SEC31A: variants seen among roughly 807,000 people sequenced by gnomAD.
SEC31A encodes the protein SEC31 homolog A, COPII component, also known as protein transport protein Sec31A.
SEC31A carries 70 observed loss-of-function variants against 151.0 expected under a neutral mutation model. That is an observed-to-expected ratio of 0.46 (90% confidence interval 0.38 to 0.57). The LOEUF (loss-of-function observed/expected upper bound fraction) is 0.57, where lower values mean the gene tolerates loss of function less well. Among genes scored for constraint, SEC31A ranks in the 20% least tolerant of loss-of-function variants. The pLI, the probability that SEC31A is intolerant of heterozygous loss-of-function variation, is 0.00. For missense variants in SEC31A, 1,330 were observed against 1,471.2 expected (o/e 0.90, Z 1.57); for synonymous variants, 475 against 505.9 (o/e 0.94, Z 0.82).
In SEC31A at chr4:82,865,885, T is replaced by C. The variant is rs183842404; in HGVS notation, c.1197+923A>G. 2.6e-4 allele frequency among the ~76,000 whole-genome samples: 39 copies of C among 152,206 alleles called. No individual in the cohort carries two copies. The East Asian group carries it at 5.8e-3, about 23-fold the overall frequency. ...ACAACAACGTGTATATAGTTAACAC[T>C]ACTGTAGTATATATTTAAAAATGGT... On this transcript the variant is annotated intron_variant, in intron 10 of 26. Transcript: ENST00000395310.
At chr4:82,832,054 C>T (rs1055311426) in intron 22 of SEC31A, among the ~76,000 whole-genome samples, 1 of 152,146 alleles carries the variant, frequency 6.6e-6, no homozygotes, top group African/African-American at 2.4e-5. Flanking sequence ...TTGGAAAAAA[C>T]TACTTCAAAC....
At chr4:82,830,221 T>C (rs1725608162) in intron 22 of SEC31A, among the ~76,000 whole-genome samples, 1 of 152,190 alleles carries the variant, frequency 6.6e-6, no homozygotes, top group Non-Finnish European at 1.5e-5. Flanking sequence ...TCCAGCACTT[T>C]GGGCTGAGGC....
Position 82,818,956 on chromosome 4 carries a change from C to T in SEC31A, c.*118G>A. 1.4e-6 allele frequency: 1 copy of T among 717,762 alleles called. No individual in the cohort carries two copies. Among genetic ancestry groups the T allele is most frequent in the Non-Finnish European group, 2.2e-6 (1 of 454,750 alleles). The allele number at this position is 717,762 out of a possible 1,614,324, so 44.5% of individuals were successfully genotyped here. ...TATATCAGCAGAAATAGTGTAAATG[C>T]TCTTGACTGGTTGCTATGCAAACAT... On this transcript the variant is annotated 3_prime_UTR_variant, in exon 27 of 27. Coordinates refer to ENST00000395310, the MANE Select transcript of SEC31A (RefSeq NM_001077207.4).
At chr4:82,858,532 G>C (rs1400742254) in intron 14 of SEC31A, among the ~76,000 whole-genome samples, 2 of 86,280 alleles carry the variant, frequency 2.3e-5, no homozygotes, top group Non-Finnish European at 4.1e-5. Flanking sequence ...GACAGAGCGA[G>C]ACTCTGTCTC....
intron 14 of SEC31A, among the ~76,000 whole-genome samples, chr4:82,861,335 G>C (rs1371297741): frequency 2.0e-5 from 3 of 152,186 alleles, no homozygotes; most frequent in Non-Finnish European, 4.4e-5. Context: ...GAGGATGTTT[G>C]AATAAAATCT....
intron 22 of SEC31A, among the ~76,000 whole-genome samples, chr4:82,839,582 A>C (rs1306374868): frequency 6.6e-6 from 1 of 152,254 alleles, no homozygotes; most frequent in Middle Eastern, 3.2e-3. Flanking sequence ...TACCGTGCCC[A>C]GCCTCATTTA....
chr4:82,888,425 C>G (rs569025451), intron 1 of SEC31A, among the ~76,000 whole-genome samples: 1 of 73,956 alleles, frequency 1.4e-5, no homozygotes, highest in Admixed American at 1.2e-4. Context: ...GGCGCAGTGG[C>G]TCACACCTGT....
intron 6 of SEC31A, among the ~76,000 whole-genome samples, chr4:82,872,330 C>T (rs1235955560): frequency 1.3e-5 from 2 of 152,090 alleles, no homozygotes; most frequent in African/African-American, 4.8e-5. Flanking sequence ...GCTGGGATTA[C>T]AGGCGCAAGC....
intron 15 of SEC31A, 152 bp downstream of exon 15, chr4:82,857,537 C>T (rs1732943793): frequency 3.2e-6 from 2 of 616,486 alleles, no homozygotes; most frequent in South Asian, 3.7e-5. Flanking sequence ...AACTCCTGGG[C>T]CCAAGTGATC....
At chr4:82,846,291 C>T (rs1730159636) in intron 20 of SEC31A, among the ~76,000 whole-genome samples, 1 of 151,508 alleles carries the variant, frequency 6.6e-6, no homozygotes, top group Non-Finnish European at 1.5e-5. Flanking sequence ...GCGTGAGCCA[C>T]CACGCCCGGC....
At chr4:82,849,593 G>A (rs938535013) in intron 19 of SEC31A, among the ~76,000 whole-genome samples, 6 of 108,780 alleles carry the variant, frequency 5.5e-5, no homozygotes, top group Non-Finnish European at 1.7e-5. Flanking sequence ...CAGCCTGGGC[G>A]ACAGAGCAAG....
chr4:82,827,684 C>A, intron 23 of SEC31A, 52 bp from the exon 24 acceptor site: 2 of 1,573,932 alleles, frequency 1.3e-6, no homozygotes, highest in South Asian at 2.3e-5. Flanking sequence ...AAAACGATAG[C>A]AACATTTCTT....
At chr4:82,900,115 G>C (rs747189650) in exon 2 of SEC31A, 1 of 152,214 alleles carries the variant, frequency 6.6e-6, no homozygotes, top group Non-Finnish European at 1.5e-5. Context: ...TCAGAAAAGG[G>C]TTCCTTGAAT....
At chr4:82,888,847 T>C (rs928812889) in intron 1 of SEC31A, among the ~76,000 whole-genome samples, 2 of 152,180 alleles carry the variant, frequency 1.3e-5, no homozygotes, top group African/African-American at 4.8e-5. Context: ...TGTGAAGCAA[T>C]ACTAAAACCC....
intron 1 of SEC31A, among the ~76,000 whole-genome samples, chr4:82,882,435 C>G (rs1275577390): frequency 8.6e-6 from 1 of 116,042 alleles, no homozygotes; most frequent in Non-Finnish European, 1.7e-5. Flanking sequence ...AAAAAAAAGA[C>G]AAACTTGATA....
At chr4:82,893,776 C>CAT (rs1719943878), upstream of SEC31A, 1 of 152,172 alleles carries the variant, frequency 6.6e-6, no homozygotes, top group African/African-American at 2.4e-5. Context: ...TATTTTTGAA[C>CAT]ATTAGCTCTA....
At chr4:82,836,695 G>A (rs941842082) in intron 22 of SEC31A, among the ~76,000 whole-genome samples, 1 of 152,152 alleles carries the variant, frequency 6.6e-6, no homozygotes, top group African/African-American at 2.4e-5. Flanking sequence ...TAGAACAGTA[G>A]TTACCAGAAG....
At chr4:82,866,065 AAAAAG>A (rs1165713095) in intron 10 of SEC31A, among the ~76,000 whole-genome samples, 1 of 151,974 alleles carries the variant, frequency 6.6e-6, no homozygotes. Context: ...CACTCCCTGC[AAAAAG>A]AAAAGAAAAA....
At chr4:82,861,219 T>C (rs1409274201) in intron 14 of SEC31A, among the ~76,000 whole-genome samples, 4 of 152,224 alleles carry the variant, frequency 2.6e-5, no homozygotes, top group Admixed American at 2.6e-4. Flanking sequence ...TATCCTTTAC[T>C]TCAACTCCAT....
Sources: gnomAD v4.1 joint callset for allele counts (sites outside exome capture counted in the v4.1 genomes callset) on GRCh38, gnomAD v4.1.1 for gene constraint, MANE v1.5 for transcripts, NCBI Gene and HGNC (gene_info 2026-07-23, HGNC 2026-07-21) for gene names.